Variants in SUMO3 observed in about 807,000 individuals in gnomAD.
The protein encoded by SUMO3 is small ubiquitin-related modifier 3.
SUMO3 carries 2 observed loss-of-function variants against 11.1 expected under a neutral mutation model. That is an observed-to-expected ratio of 0.18 (90% CI 0.07 to 0.57). The LOEUF (loss-of-function observed/expected upper bound fraction) is 0.57, where lower values mean the gene tolerates loss of function less well. Ranked by LOEUF, SUMO3 falls within the 20% of genes least tolerant of loss-of-function variation. SUMO3 has a pLI of 0.92. For synonymous variants in SUMO3, 56 were observed against 53.5 expected (o/e 1.05, Z -0.20); for missense variants, 70 against 132.8 (o/e 0.53, Z 2.32).
chr21:44,818,053 C>G lies in SUMO3; in HGVS notation c.-85G>C. The G allele has an allele frequency of 9.3e-7, 1 of 1,080,636 alleles. No individual in the cohort carries two copies. The highest frequency in any genetic ancestry group is 1.2e-6 in the Non-Finnish European group (1 of 867,914). 66.9% of individuals were successfully genotyped at this position (1,080,636 alleles called of 1,614,324 possible). A position where few individuals can be genotyped will look rare whatever the true frequency, so the allele number is the denominator to read the frequency against. On this transcript the variant is annotated 5_prime_UTR_variant, in exon 1 of 4. Transcript: ENST00000332859. Reference sequence around the variant, plus strand: ...CGCTCTCGGCCCCGCCGCTCTCCCGCCGCAACTGTGCGCGGGGCCGCGCTT... The same window carrying G: ...CGCTCTCGGCCCCGCCGCTCTCCCGGCGCAACTGTGCGCGGGGCCGCGCTT...
chr21:44,816,112 A>C (rs1167120933), intron 1 of SUMO3, among the ~76,000 whole-genome samples: 1 of 152,252 alleles, frequency 6.6e-6, no homozygotes, highest in Non-Finnish European at 1.5e-5. Context: ...CTGGAATTAA[A>C]CAAGTGTTTT....
At chr21:44,814,381 TAAG>T (rs1184018951) in intron 1 of SUMO3, among the ~76,000 whole-genome samples, 1 of 152,098 alleles carries the variant, frequency 6.6e-6, no homozygotes, top group African/African-American at 2.4e-5. Context: ...TAGGGAAAAA[TAAG>T]AGAAAATCCA....
At chr21:44,809,849 A>G (rs1402419915) in intron 2 of SUMO3, among the ~76,000 whole-genome samples, 2 of 152,208 alleles carry the variant, frequency 1.3e-5, no homozygotes, top group Non-Finnish European at 2.9e-5. Context: ...TCAAACACTG[A>G]ATCTTCTCTG....
rs1349643644 is a variant in SUMO3 at position 44,807,495 on chromosome 21, C to T, written c.223-455G>A. Reference sequence around the variant, plus strand: ...AAAGCCCCCAGCTCACAGAAGGGCCCGTCAAGTGAGGGTCCATTGCCAGCT... The same window carrying T: ...AAAGCCCCCAGCTCACAGAAGGGCCTGTCAAGTGAGGGTCCATTGCCAGCT... On this transcript the variant is annotated intron_variant, in intron 3 of 3. Coordinates refer to ENST00000332859, the MANE Select transcript of SUMO3 (RefSeq NM_006936.3). The surrounding 1 kb of genome is among the most constrained non-coding windows in gnomAD (Gnocchi z 4.3). Among the ~76,000 whole-genome samples, 3 of 152,108 alleles carry T rather than the reference C, an allele frequency of 2.0e-5. No homozygotes were observed. Among genetic ancestry groups the T allele is most frequent in the Non-Finnish European group, 4.4e-5 (3 of 68,018 alleles).
intron 1 of SUMO3, 107 bp downstream of exon 1, chr21:44,817,841 A>G (rs1425778981): frequency 7.0e-3 from 1 of 142 alleles, no homozygotes; most frequent in Non-Finnish European, 0.011. Context: ...GGAGGGGCGG[A>G]GCCTGTCAGG....
At position 44,814,075 on chromosome 21, in the gene SUMO3, G is replaced by T. The variant is rs1434560759; in HGVS notation, c.51C>A (p.Ile17=). ...KEGVKTENDH[I]NLKVAGQDGS... Reference sequence around the variant, plus strand: ...CGTCCTGCCCGGCCACCTTCAGGTTGATGTGGTCATTCTCTGTCTTCACAC... The same window carrying T: ...CGTCCTGCCCGGCCACCTTCAGGTTTATGTGGTCATTCTCTGTCTTCACAC... The change falls in exon 2 of 4, where the codon ATC becomes ATA. Residue 17 remains isoleucine, a synonymous_variant. Transcript: ENST00000332859. 1.9e-6 allele frequency: 3 copies of T among 1,613,888 alleles called. No homozygotes were observed. In the African/African-American group the frequency reaches 4.0e-5, roughly 22 times the overall value.
At chr21:44,814,251 G>T in intron 1 of SUMO3, 147 bp from the exon 2 acceptor site, 1 of 1,084,974 alleles carries the variant, frequency 9.2e-7, no homozygotes, top group Non-Finnish European at 1.3e-6. Context: ...AGAGTCACTC[G>T]TGATGGTTTT....
intron 1 of SUMO3, among the ~76,000 whole-genome samples, chr21:44,815,520 T>C (rs572723951): frequency 6.6e-6 from 1 of 152,252 alleles, no homozygotes; most frequent in East Asian, 1.9e-4. Flanking sequence ...ATCCCGAATG[T>C]GGCCTCCAGC....
chr21:44,811,109 TGCACACACCCACATATACACACAG>T lies in SUMO3; in HGVS notation c.151-2015_151-1992del, dbSNP rs1308067172. The stretch of plus-strand genomic sequence containing the variant: ...ATGCACACACCCACATACACACACA[TGCACACACCCACATATACACACAG>T]GCACACACCCACACATACACACACA... On this transcript the variant is annotated intron_variant, in intron 2 of 3. Transcript: ENST00000332859. The surrounding 1 kb of genome is among the most constrained non-coding windows in gnomAD (Gnocchi z 5.0). Among the ~76,000 whole-genome samples the T allele has an allele frequency of 5.3e-5, 6 of 114,130 alleles. No homozygotes were observed. Among genetic ancestry groups the T allele is most frequent in the Non-Finnish European group, 7.2e-5 (4 of 55,218 alleles). The allele number at this position is 114,130 out of a possible 152,430, so 74.9% of individuals were successfully genotyped here.
At position 44,810,943 on chromosome 21, in the gene SUMO3, C is replaced by T. The variant is rs1431798223; in HGVS notation, c.151-1825G>A. 6.6e-6 allele frequency among the ~76,000 whole-genome samples: 1 copy of T among 151,772 alleles called. No homozygotes were observed. The highest frequency in any genetic ancestry group is 1.5e-5 in the Non-Finnish European group (1 of 67,916). ...ACACCCACACATGCCCACACCCACACACATGCACACACCCACACATGCACA... is the reference window on the plus strand; with the variant it reads ...ACACCCACACATGCCCACACCCACATACATGCACACACCCACACATGCACA... On this transcript the variant is annotated intron_variant, in intron 2 of 3. Transcript: ENST00000332859. The surrounding 1 kb of genome is among the most constrained non-coding windows in gnomAD (Gnocchi z 4.1).
At chr21:44,814,126 G>A (rs1243922308) in intron 1 of SUMO3, 22 bp from the exon 2 acceptor site, 2 of 1,604,502 alleles carry the variant, frequency 1.2e-6, no homozygotes, top group African/African-American at 1.3e-5. Flanking sequence ...ACCAGAGACT[G>A]GCCTCAAAAC....
At chr21:44,812,176 C>G (rs1384571484) in intron 2 of SUMO3, among the ~76,000 whole-genome samples, 1 of 151,428 alleles carries the variant, frequency 6.6e-6, no homozygotes, top group East Asian at 1.9e-4. Flanking sequence ...CCCACCTCAG[C>G]CTCCTGAGTA....
chr21:44,811,151 C>G lies in SUMO3; in HGVS notation c.151-2033G>C, dbSNP rs1407868346. On this transcript the variant is annotated intron_variant, in intron 2 of 3. Coordinates refer to ENST00000332859, the MANE Select transcript of SUMO3 (RefSeq NM_006936.3). This position sits in a 1 kb window ranked among gnomAD's most constrained non-coding sequence, Gnocchi z 5.0. ...ACACACAGGCACACACCCACACATACACACACAGGCACACACCCACACATA... is the reference window on the plus strand; with the variant it reads ...ACACACAGGCACACACCCACACATAGACACACAGGCACACACCCACACATA... Among the ~76,000 whole-genome samples, 1 of 149,666 alleles carries G rather than the reference C, an allele frequency of 6.7e-6. No homozygotes were observed. The highest frequency in any genetic ancestry group is 2.4e-5 in the African/African-American group (1 of 41,112).
intron 2 of SUMO3, among the ~76,000 whole-genome samples, chr21:44,809,994 G>A (rs1425531241): frequency 1.3e-5 from 2 of 152,172 alleles, no homozygotes; most frequent in East Asian, 1.9e-4. Flanking sequence ...GCCAATGAGG[G>A]ACAGATAAGA....
intron 2 of SUMO3, 109 bp from the exon 3 acceptor site, chr21:44,809,227 T>C: frequency 1.9e-6 from 2 of 1,061,782 alleles, no homozygotes; most frequent in Non-Finnish European, 2.9e-6. Context: ...CAGTGGCCAT[T>C]AAACATTTCC....
chr21:44,812,553 C>G (rs1382590285), intron 2 of SUMO3, among the ~76,000 whole-genome samples: 1 of 152,204 alleles, frequency 6.6e-6, no homozygotes, highest in African/African-American at 2.4e-5. Flanking sequence ...CCCTTCTGTG[C>G]CCGTTCTGAC....
chr21:44,808,288 A>G (rs867851648), intron 3 of SUMO3: 27 of 306,742 alleles, frequency 8.8e-5, no homozygotes, highest in East Asian at 2.1e-4. Flanking sequence ...TGAGGTGGGC[A>G]GATCACAAGG....
At chr21:44,812,629 C>A (rs979216121) in intron 2 of SUMO3, among the ~76,000 whole-genome samples, 15 of 152,226 alleles carry the variant, frequency 9.9e-5, no homozygotes, top group African/African-American at 3.6e-4. Flanking sequence ...AGGAAACACC[C>A]AAGAGAGAAC....
intron 1 of SUMO3, among the ~76,000 whole-genome samples, chr21:44,815,826 G>A (rs1390383856): frequency 6.6e-6 from 1 of 150,648 alleles, no homozygotes; most frequent in Non-Finnish European, 1.5e-5. Context: ...CAGACCCCTG[G>A]TGAATTCCTA....
Sources: gnomAD v4.1 joint callset for allele counts (sites outside exome capture counted in the v4.1 genomes callset) on GRCh38, gnomAD v4.1.1 for gene constraint, Gnocchi (gnomAD v3.1) non-coding constraint, MANE v1.5 for transcripts, NCBI Gene and HGNC (gene_info 2026-07-23, HGNC 2026-07-21) for gene names.